FXYD6: variants seen among roughly 807,000 people sequenced by gnomAD.
The protein encoded by FXYD6 is FXYD domain containing ion transport regulator 6.
FXYD6 carries 7 observed loss-of-function variants against 16.7 expected under a neutral mutation model. The ratio of observed to expected loss-of-function variants is 0.42; its 90% CI spans 0.24 to 0.79. The LOEUF is 0.79. FXYD6 is among the 30% of genes least tolerant of loss of function. The pLI is 0.28. For missense variants in FXYD6, 111 were observed against 116.2 expected (o/e 0.95, Z 0.21); for synonymous variants, 49 against 43.0 (o/e 1.14, Z -0.54).
chr11:117,838,970 A>G (rs1367411776), intron 7 of FXYD6: 1 of 153,308 alleles, frequency 6.5e-6, no homozygotes, highest in Non-Finnish European at 1.5e-5. Context: ...ATGGGGGGAA[A>G]AAAAGGCAGA....
chr11:117,853,636 C>T (rs980665847), intron 1 of FXYD6, among the ~76,000 whole-genome samples: 1 of 152,128 alleles, frequency 6.6e-6, no homozygotes, highest in Non-Finnish European at 1.5e-5. Context: ...GAACTACAAG[C>T]ATGCACCACC....
At chr11:117,873,037 C>T (rs537633952) in intron 1 of FXYD6, among the ~76,000 whole-genome samples, 1 of 152,178 alleles carries the variant, frequency 6.6e-6, no homozygotes, top group Non-Finnish European at 1.5e-5. Flanking sequence ...AGAACCCCCC[C>T]CAACCGCCGC....
chr11:117,850,567 G>A (rs2056586185), intron 1 of FXYD6, among the ~76,000 whole-genome samples: 1 of 152,212 alleles, frequency 6.6e-6, no homozygotes, highest in Admixed American at 6.5e-5. Flanking sequence ...TATTGATGTA[G>A]TTGGTCTGCT....
chr11:117,857,987 G>C (rs1250403349), intron 1 of FXYD6, among the ~76,000 whole-genome samples: 1 of 152,104 alleles, frequency 6.6e-6, no homozygotes, highest in African/African-American at 2.4e-5. Flanking sequence ...CCCTGGCCTT[G>C]GCTTTGGAAT....
chr11:117,847,594 A>G (rs983829197), intron 1 of FXYD6, among the ~76,000 whole-genome samples: 3 of 137,482 alleles, frequency 2.2e-5, no homozygotes, highest in African/African-American at 5.5e-5. Context: ...ATTCCCACCT[A>G]TGAGTGAGAA....
chr11:117,841,481 A>T, intron 4 of FXYD6: 1 of 589,442 alleles, frequency 1.7e-6, no homozygotes. Flanking sequence ...TCCCTCGCAC[A>T]CTAGGGCAGC....
chr11:117,848,166 C>T (rs908045922), intron 1 of FXYD6, among the ~76,000 whole-genome samples: 16 of 152,032 alleles, frequency 1.1e-4, no homozygotes, highest in African/African-American at 3.6e-4. Flanking sequence ...AACACACACG[C>T]ACACAACACG....
At chr11:117,863,788 CA>C (rs577550107) in intron 1 of FXYD6, among the ~76,000 whole-genome samples, 42 of 151,342 alleles carry the variant, frequency 2.8e-4, no homozygotes, top group Non-Finnish European at 5.5e-4. Context: ...GGTCAACACA[CA>C]AAAAACAATT....
At chr11:117,875,911 T>C (rs980069720) in intron 1 of FXYD6, among the ~76,000 whole-genome samples, 2 of 151,618 alleles carry the variant, frequency 1.3e-5, no homozygotes, top group African/African-American at 4.8e-5. Context: ...GGAGACACAA[T>C]AGGGGAGGCT....
chr11:117,865,832 CAGG>C (rs199677106), intron 1 of FXYD6, among the ~76,000 whole-genome samples: 2,467 of 152,034 alleles, frequency 0.016, 32 homozygotes, highest in Non-Finnish European at 0.024. Context: ...GAGGCTGAGG[CAGG>C]AGAATTGCTT....
At position 117,840,373 on chromosome 11, in the gene FXYD6, A is replaced by G; in HGVS notation, c.210-5T>C. The G allele has an allele frequency of 6.2e-7, 1 of 1,614,128 alleles. No homozygotes were observed. The highest frequency in any genetic ancestry group is 8.5e-7 in the Non-Finnish European group (1 of 1,180,020). On this transcript the variant is annotated splice_region_variant and splice_polypyrimidine_tract_variant and intron_variant, in intron 5 of 7. Coordinates refer to ENST00000526014, the MANE Select transcript of FXYD6 (RefSeq NM_022003.4). ...GCTTCCTCATCTCCTGGGGCCCTGC[A>G]GGAGAAAGAGACACACAGCCCCATC...
intron 1 of FXYD6, among the ~76,000 whole-genome samples, chr11:117,853,030 C>T (rs1477714010): frequency 6.6e-6 from 1 of 152,098 alleles, no homozygotes; most frequent in Non-Finnish European, 1.5e-5. Context: ...ATTTTGTGTT[C>T]TCATCTCTTA....
intron 1 of FXYD6, among the ~76,000 whole-genome samples, chr11:117,875,204 ATG>A (rs1202245498): frequency 1.3e-5 from 2 of 151,760 alleles, no homozygotes; most frequent in African/African-American, 4.8e-5. Context: ...TTTGGTGTGT[ATG>A]TGTGTATAGG....
At chr11:117,858,627 TC>T (rs2056794417) in intron 1 of FXYD6, among the ~76,000 whole-genome samples, 1 of 148,376 alleles carries the variant, frequency 6.7e-6, no homozygotes, top group African/African-American at 2.5e-5. Flanking sequence ...TGCTTCATTT[TC>T]TTTTTTCTTT....
At chr11:117,858,697 T>TTCTC (rs1161214898) in intron 1 of FXYD6, among the ~76,000 whole-genome samples, 1 of 56,046 alleles carries the variant, frequency 1.8e-5, no homozygotes, top group Non-Finnish European at 3.2e-5. Context: ...CTTTCTTTCT[T>TTCTC]TCTTTCTCTC....
intron 1 of FXYD6, chr11:117,843,844 G>A (rs1203444826): frequency 6.6e-6 from 1 of 152,300 alleles, no homozygotes; most frequent in African/African-American, 2.4e-5. Flanking sequence ...CTGGGTGGAT[G>A]GCCCCAGGTG....
intron 1 of FXYD6, among the ~76,000 whole-genome samples, chr11:117,848,925 G>A (rs1423517617): frequency 1.3e-5 from 2 of 151,684 alleles, no homozygotes; most frequent in Non-Finnish European, 2.9e-5. Context: ...CCAACTCTTG[G>A]TTTCATTAAT....
chr11:117,842,000 A>G lies in FXYD6; in HGVS notation c.87T>C (p.Pro29=). The G allele has an allele frequency of 6.2e-7, 1 of 1,614,190 alleles. No individual in the cohort carries two copies. The change falls in exon 3 of 8, where the codon CCT becomes CCC. Residue 29 remains proline, a synonymous_variant. Transcript: ENST00000526014. ...SAAEKEKEMD[P]FHYDYQTLRI... ...GTTGCCATCGCTCACCATAATGAAA[A>G]GGGTCCATTTCCTTCTCCTTTTCAG...
At chr11:117,843,415 C>T (rs1020683027) in intron 1 of FXYD6, among the ~76,000 whole-genome samples, 9 of 152,322 alleles carry the variant, frequency 5.9e-5, no homozygotes, top group South Asian at 2.1e-4. Context: ...TCCTCCACCA[C>T]GTTGCCTCTG....
Sources: allele counts gnomAD v4.1 joint callset (sites outside exome capture counted in the v4.1 genomes callset), GRCh38; gene constraint gnomAD v4.1.1; transcripts MANE v1.5; gene names NCBI Gene and HGNC (gene_info 2026-07-23, HGNC 2026-07-21).